MPPED1: variants seen among roughly 807,000 people sequenced by gnomAD.
MPPED1 encodes the protein metallophosphoesterase domain containing 1.
MPPED1 carries 16 observed loss-of-function variants against 36.2 expected under a neutral mutation model. The ratio of observed to expected loss-of-function variants is 0.44; its 90% CI spans 0.30 to 0.67. MPPED1 has a LOEUF of 0.67. MPPED1 is among the 30% of genes least tolerant of loss of function. The pLI, the probability that MPPED1 is intolerant of heterozygous loss-of-function variation, is 0.10. For missense variants in MPPED1, 307 were observed against 453.4 expected, an observed-to-expected ratio of 0.68 and a Z score of 2.93; for synonymous variants, 199 against 191.3, an observed-to-expected ratio of 1.04 and a Z score of -0.33.
At position 43,500,079 on chromosome 22, in the gene MPPED1, G is replaced by T. The variant is rs867693660; in HGVS notation, c.748+1729G>T. On this transcript the variant is annotated intron_variant, in intron 5 of 6. Transcript: ENST00000443721. ...GGTGGTGGTGATGGTGATGGAGGTG[G>T]TGGTGATGGCGATGGAGGTGGTAGT... Among the ~76,000 whole-genome samples the T allele has an allele frequency of 5.1e-4, 58 of 113,318 alleles. 2 individuals are homozygous for T. The highest frequency in any genetic ancestry group is 2.6e-3 in the East Asian group (8 of 3,134). 74.3% of individuals were successfully genotyped at this position (113,318 alleles called of 152,430 possible).
intron 3 of MPPED1, among the ~76,000 whole-genome samples, chr22:43,470,023 T>G (rs1429020337): frequency 1.3e-5 from 2 of 151,936 alleles, no homozygotes; most frequent in Non-Finnish European, 2.9e-5. Context: ...CATCCATCCA[T>G]TAATCCATCT....
At chr22:43,453,074 C>T (rs1014530244) in intron 3 of MPPED1, among the ~76,000 whole-genome samples, 4 of 151,894 alleles carry the variant, frequency 2.6e-5, no homozygotes, top group Non-Finnish European at 5.9e-5. Context: ...CTCAGCCTCC[C>T]GAGTAGCTGG....
At chr22:43,494,381 C>T (rs1932191344) in intron 4 of MPPED1, among the ~76,000 whole-genome samples, 1 of 152,094 alleles carries the variant, frequency 6.6e-6, no homozygotes, top group African/African-American at 2.4e-5. Context: ...ATGCTAGTTG[C>T]TGGTGATCCT....
intron 3 of MPPED1, among the ~76,000 whole-genome samples, chr22:43,457,628 T>C (rs73167940): frequency 0.047 from 7,187 of 152,236 alleles, 264 homozygotes; most frequent in Non-Finnish European, 0.076. Flanking sequence ...TAAATAGATA[T>C]TTTCTAGTTC....
intron 3 of MPPED1, among the ~76,000 whole-genome samples, chr22:43,470,036 A>T (rs1339242173): frequency 2.6e-5 from 4 of 151,538 alleles, no homozygotes; most frequent in Non-Finnish European, 5.9e-5. Context: ...ATCCATCTAT[A>T]TATGCATCTA....
chr22:43,487,582 C>G (rs1041645957), intron 4 of MPPED1, among the ~76,000 whole-genome samples: 4 of 152,128 alleles, frequency 2.6e-5, no homozygotes, highest in African/African-American at 9.7e-5. Context: ...GGGGTGCAGG[C>G]CTCTTCCCCT....
intron 2 of MPPED1, among the ~76,000 whole-genome samples, chr22:43,427,226 G>GAACT (rs1380223216): frequency 6.6e-6 from 1 of 152,212 alleles, no homozygotes; most frequent in Non-Finnish European, 1.5e-5. Flanking sequence ...CCTAGTCAGA[G>GAACT]AACTGAGCCA....
intron 4 of MPPED1, among the ~76,000 whole-genome samples, chr22:43,488,103 G>A (rs908319286): frequency 3.9e-5 from 6 of 152,272 alleles, no homozygotes; most frequent in East Asian, 3.9e-4. Context: ...GGGGGTGTGA[G>A]GATTGAGTCT....
chr22:43,463,811 C>CTTTCTTTT lies in MPPED1; in HGVS notation c.407-10918_407-10917insTTTTCTTT, dbSNP rs1931045455. ...TGGTTGATTTTTCATTTTTTCTTTT[C>CTTTCTTTT]TTTCTTTCTTTCTTTCTTTCTTTCT... On this transcript the variant is annotated intron_variant, in intron 3 of 6. Transcript: ENST00000443721. 8.3e-5 allele frequency among the ~76,000 whole-genome samples: 2 copies of CTTTCTTTT among 24,210 alleles called. 1 individual carries two copies. Among genetic ancestry groups the CTTTCTTTT allele is most frequent in the African/African-American group, 4.2e-4 (2 of 4,780 alleles). 15.9% of individuals were successfully genotyped at this position (24,210 alleles called of 152,430 possible).
chr22:43,500,272 AGGTGGC>A (rs1198282419), intron 5 of MPPED1, among the ~76,000 whole-genome samples: 19 of 8,230 alleles, frequency 2.3e-3, no homozygotes, highest in African/African-American at 4.1e-3. Context: ...ATGGTGATGG[AGGTGGC>A]GGTGGTGATG....
chr22:43,431,436 C>G (rs1254084238), intron 2 of MPPED1, among the ~76,000 whole-genome samples: 1 of 152,156 alleles, frequency 6.6e-6, no homozygotes, highest in East Asian at 1.9e-4. Flanking sequence ...CTGTGGGTGT[C>G]CCACCCACAG....
intron 4 of MPPED1, among the ~76,000 whole-genome samples, chr22:43,497,288 C>G (rs545449924): frequency 6.6e-6 from 1 of 151,890 alleles, no homozygotes; most frequent in South Asian, 2.1e-4. Context: ...TGGGTGAAAC[C>G]TACGGGATGA....
chr22:43,463,351 A>C (rs911696197), intron 3 of MPPED1, among the ~76,000 whole-genome samples: 10 of 91,666 alleles, frequency 1.1e-4, no homozygotes, highest in African/African-American at 5.0e-4. Flanking sequence ...TTTTTTTTTG[A>C]GACAGGATCT....
At chr22:43,447,882 T>TA (rs1930413343) in intron 3 of MPPED1, among the ~76,000 whole-genome samples, 1 of 34,614 alleles carries the variant, frequency 2.9e-5, no homozygotes, top group Non-Finnish European at 4.9e-5. Context: ...TATATATATA[T>TA]ATTTTTTTTT....
chr22:43,453,420 T>C (rs540781209), intron 3 of MPPED1, among the ~76,000 whole-genome samples: 6 of 152,126 alleles, frequency 3.9e-5, no homozygotes, highest in Non-Finnish European at 7.4e-5. Flanking sequence ...GCCATGCCTT[T>C]AAAATCCAGG....
intron 5 of MPPED1, among the ~76,000 whole-genome samples, chr22:43,500,136 A>G (rs1253307187): frequency 9.1e-5 from 3 of 32,986 alleles, no homozygotes; most frequent in Non-Finnish European, 1.3e-4. Flanking sequence ...GGAGGTGGTA[A>G]TGGAGGTGGT....
At chr22:43,440,380 G>A (rs939131206) in intron 3 of MPPED1, among the ~76,000 whole-genome samples, 2 of 152,142 alleles carry the variant, frequency 1.3e-5, no homozygotes, top group Non-Finnish European at 2.9e-5. Context: ...CTGATGAAAT[G>A]TGCTAGCATG....
chr22:43,437,173 C>T (rs8140193), intron 3 of MPPED1, among the ~76,000 whole-genome samples: 3,486 of 152,220 alleles, frequency 0.023, 156 homozygotes, highest in African/African-American at 0.081. Context: ...CTGCACAAAG[C>T]GAGACACCTT....
intron 3 of MPPED1, among the ~76,000 whole-genome samples, chr22:43,456,559 A>G (rs573544667): frequency 1.5e-4 from 23 of 152,222 alleles, no homozygotes; most frequent in African/African-American, 5.3e-4. Context: ...CAGTGGTGCA[A>G]TTTTGGCTAA....
Sources: gnomAD v4.1 joint callset for allele counts (sites outside exome capture counted in the v4.1 genomes callset) on GRCh38, gnomAD v4.1.1 for gene constraint, MANE v1.5 for transcripts, NCBI Gene and HGNC (gene_info 2026-07-23, HGNC 2026-07-21) for gene names.